Variants in GLIS3 observed in about 807,000 individuals in gnomAD.
The protein encoded by GLIS3 is GLIS family zinc finger 3, also known as zinc finger protein GLIS3.
In GLIS3, 53 loss-of-function variants were observed where a neutral mutation model predicts 78.6. The observed-to-expected ratio is 0.67, with a 90% CI of 0.54 to 0.85. The LOEUF is 0.85. Ranked by LOEUF, GLIS3 falls within the 40% of genes least tolerant of loss-of-function variation. The probability of loss-of-function intolerance (pLI) is 0.00; values close to 1 mark genes in which losing one functional copy is unlikely to be tolerated. For synonymous variants in GLIS3, 684 were observed against 509.9 expected (o/e 1.34, Z -4.60); for missense variants, 1,703 against 1,231.1 (o/e 1.38, Z -5.74).
At chr9:4,078,826 G>C (rs945466110) in intron 4 of GLIS3, among the ~76,000 whole-genome samples, 4 of 152,246 alleles carry the variant, frequency 2.6e-5, no homozygotes, top group Admixed American at 2.0e-4. Flanking sequence ...AATGTGTTTA[G>C]CTACTTTAGA....
chr9:3,908,648 T>C (rs1004436310), intron 6 of GLIS3, among the ~76,000 whole-genome samples: 3 of 151,146 alleles, frequency 2.0e-5, no homozygotes, highest in African/African-American at 7.3e-5. Flanking sequence ...TCCCTAACAA[T>C]GCGGGGATTT....
chr9:4,274,468 G>GCACA, intron 2 of GLIS3, among the ~76,000 whole-genome samples: 1 of 152,096 alleles, frequency 6.6e-6, no homozygotes, highest in East Asian at 1.9e-4. Context: ...GGCATATGGG[G>GCACA]CACACACACC....
At chr9:4,127,037 C>G (rs765249638) in intron 2 of GLIS3, among the ~76,000 whole-genome samples, 2 of 152,098 alleles carry the variant, frequency 1.3e-5, no homozygotes, top group South Asian at 4.1e-4. Context: ...CCTTTGTCAT[C>G]TTTTGTAACA....
chr9:4,376,425 T>TAGAAAATGG, the GLIS3 span, among the ~76,000 whole-genome samples: 3 of 138,548 alleles, frequency 2.2e-5, no homozygotes, highest in African/African-American at 7.6e-5. Flanking sequence ...CTATATGCTC[T>TAGAAAATGG]CTTTCTAAAC....
chr9:4,431,779 G>C, the GLIS3 span, among the ~76,000 whole-genome samples: 7 of 151,586 alleles, frequency 4.6e-5, no homozygotes, highest in Non-Finnish European at 1.0e-4. Flanking sequence ...GGGAGGTGGA[G>C]GTTGTAGCGA....
chr9:4,305,516 T>C (rs1817205673), intron 4 of GLIS3: 1 of 152,226 alleles, frequency 6.6e-6, no homozygotes, highest in South Asian at 2.1e-4. Context: ...ACTGATGGGC[T>C]CGATGATTCA....
the GLIS3 span, among the ~76,000 whole-genome samples, chr9:4,360,298 C>T: frequency 4.6e-5 from 7 of 152,238 alleles, no homozygotes; most frequent in East Asian, 7.7e-4. Context: ...AAAGAGCATG[C>T]GACTGACTAT....
At chr9:4,218,911 A>T (rs747057070) in intron 2 of GLIS3, among the ~76,000 whole-genome samples, 26 of 152,186 alleles carry the variant, frequency 1.7e-4, no homozygotes, top group Non-Finnish European at 2.6e-4. Flanking sequence ...AGCACTCATA[A>T]CTATCAACAA....
At chr9:4,465,461 A>T in the GLIS3 span, among the ~76,000 whole-genome samples, 1 of 152,188 alleles carries the variant, frequency 6.6e-6, no homozygotes. Context: ...AGGCACAAGA[A>T]TCTCTTGAAC....
At chr9:4,460,250 G>C in the GLIS3 span, among the ~76,000 whole-genome samples, 1 of 152,150 alleles carries the variant, frequency 6.6e-6, no homozygotes, top group Non-Finnish European at 1.5e-5. Context: ...GGAAAAGAAA[G>C]ATGACATCTG....
In GLIS3 at chr9:3,881,078, C is replaced by T. The variant is rs191048162; in HGVS notation, c.2129-1483G>A. On this transcript the variant is annotated intron_variant, in intron 7 of 10. Transcript: ENST00000381971. ...TTATGAATCACTAACCTCATTTATG[C>T]TCAGCTAGCTCAGGGAACCACAATT... Among the ~76,000 whole-genome samples the T allele has an allele frequency of 1.7e-4, 26 of 152,248 alleles. No homozygotes were observed. In the East Asian group the frequency reaches 4.4e-3, roughly 26 times the overall value.
chr9:3,919,215 G>T (rs1459326676), intron 6 of GLIS3, among the ~76,000 whole-genome samples: 1 of 152,174 alleles, frequency 6.6e-6, no homozygotes, highest in African/African-American at 2.4e-5. Context: ...TTGTTGATAA[G>T]TTATAAAATT....
upstream of GLIS3, among the ~76,000 whole-genome samples, chr9:4,348,802 C>G (rs1163591168): frequency 6.6e-6 from 1 of 151,952 alleles, no homozygotes; most frequent in African/African-American, 2.4e-5. Flanking sequence ...AAGATATAAG[C>G]TCAATATGAT....
intron 2 of GLIS3, among the ~76,000 whole-genome samples, chr9:4,230,887 G>C (rs1040227431): frequency 3.9e-5 from 6 of 152,198 alleles, no homozygotes; most frequent in African/African-American, 1.4e-4. Context: ...TAATTTCATA[G>C]AACAGTCATA....
At chr9:4,205,513 G>C (rs151337496) in intron 2 of GLIS3, among the ~76,000 whole-genome samples, 13 of 152,350 alleles carry the variant, frequency 8.5e-5, no homozygotes, top group Non-Finnish European at 1.2e-4. Flanking sequence ...GTGAGAATGT[G>C]ATGTCTGGAG....
At chr9:4,138,368 G>A (rs553180354) in intron 2 of GLIS3, among the ~76,000 whole-genome samples, 2 of 152,164 alleles carry the variant, frequency 1.3e-5, no homozygotes, top group East Asian at 3.9e-4. Flanking sequence ...ATTGGAGAGA[G>A]TGTTAACTAA....
intron 2 of GLIS3, among the ~76,000 whole-genome samples, chr9:4,338,062 G>A (rs2130578268): frequency 6.9e-6 from 1 of 144,954 alleles, no homozygotes; most frequent in East Asian, 2.0e-4. Context: ...GTGTGTGTGT[G>A]TTTAGTTTTG....
At chr9:4,244,188 T>C (rs953306840) in intron 2 of GLIS3, among the ~76,000 whole-genome samples, 1 of 152,246 alleles carries the variant, frequency 6.6e-6, no homozygotes, top group Non-Finnish European at 1.5e-5. Flanking sequence ...GTAGATTAAA[T>C]TGCAGCTAAA....
intron 4 of GLIS3, among the ~76,000 whole-genome samples, chr9:3,996,089 C>T (rs903782710): frequency 1.3e-5 from 2 of 152,002 alleles, no homozygotes; most frequent in African/African-American, 4.8e-5. Flanking sequence ...TTACACTCAA[C>T]AGCAACATCA....
Sources: allele counts gnomAD v4.1 joint callset (sites outside exome capture counted in the v4.1 genomes callset), GRCh38; gene constraint gnomAD v4.1.1; transcripts MANE v1.5; gene names NCBI Gene and HGNC (gene_info 2026-07-23, HGNC 2026-07-21).